AFF3: variants seen among roughly 807,000 people sequenced by gnomAD.
AFF3 encodes the protein ALF transcription elongation factor 3.
In AFF3, 32 loss-of-function variants were observed where a neutral mutation model predicts 129.7. That is an observed-to-expected ratio of 0.25 (90% CI 0.19 to 0.33). The LOEUF is 0.33. Among genes scored for constraint, AFF3 ranks in the 10% least tolerant of loss-of-function variants. The pLI is 1.00. For synonymous variants in AFF3, 644 were observed against 635.4 expected (o/e 1.01, Z -0.20); for missense variants, 1,373 against 1,592.0 (o/e 0.86, Z 2.34).
At chr2:99,839,906 G>T in intron 7 of AFF3, among the ~76,000 whole-genome samples, 1 of 152,210 alleles carries the variant, frequency 6.6e-6, no homozygotes, top group South Asian at 2.1e-4. Flanking sequence ...CACCAGATCT[G>T]CATTTTCTTA....
intron 7 of AFF3, among the ~76,000 whole-genome samples, chr2:99,872,713 A>G (rs1234984631): frequency 6.6e-6 from 1 of 152,150 alleles, no homozygotes; most frequent in Admixed American, 6.5e-5. Flanking sequence ...AACATCATGC[A>G]TCGGTCATTT....
chr2:99,991,294 G>A (rs1466888557), intron 7 of AFF3, among the ~76,000 whole-genome samples: 4 of 152,198 alleles, frequency 2.6e-5, no homozygotes, highest in Non-Finnish European at 5.9e-5. Flanking sequence ...TCAAGATTCT[G>A]ACAACTGTTG....
intron 4 of AFF3, among the ~76,000 whole-genome samples, chr2:100,058,608 T>C (rs1298285415): frequency 6.6e-6 from 1 of 152,120 alleles, no homozygotes; most frequent in Non-Finnish European, 1.5e-5. Flanking sequence ...ACACACTGTA[T>C]AGCCTCTACC....
At chr2:100,019,828 G>C (rs918132232) in intron 4 of AFF3, among the ~76,000 whole-genome samples, 4 of 151,830 alleles carry the variant, frequency 2.6e-5, no homozygotes, top group African/African-American at 7.3e-5. Flanking sequence ...CTCCTCTCTG[G>C]GGGGAGCCCT....
intron 8 of AFF3, among the ~76,000 whole-genome samples, chr2:99,824,939 G>A (rs1043555698): frequency 6.6e-6 from 1 of 152,194 alleles, no homozygotes; most frequent in Non-Finnish European, 1.5e-5. Flanking sequence ...GTGGGTTAGC[G>A]ATTGTGAAAT....
intron 11 of AFF3, among the ~76,000 whole-genome samples, chr2:99,716,679 G>A (rs532022498): frequency 3.3e-5 from 5 of 151,896 alleles, no homozygotes; most frequent in South Asian, 4.2e-4. Context: ...TCAGGAGTTC[G>A]AGACCAGCCT....
rs148575259 is a variant in AFF3 at position 99,927,706 on chromosome 2, T to G, written c.873+78926A>C. Among the ~76,000 whole-genome samples the G allele has an allele frequency of 6.9e-4, 105 of 152,286 alleles. 1 individual carries two copies. In the East Asian group the frequency reaches 0.018, roughly 26 times the overall value. ...TGTAATTTTACCTATGTAACAAACT[T>G]GCCCATGTACCCCTGAACTTAAAAT... On this transcript the variant is annotated intron_variant, in intron 7 of 24. Transcript: ENST00000672756.
chr2:100,003,864 A>G (rs1016185435), intron 7 of AFF3, among the ~76,000 whole-genome samples: 2 of 152,210 alleles, frequency 1.3e-5, no homozygotes, highest in African/African-American at 4.8e-5. Flanking sequence ...TAAAAGGCCA[A>G]TTTTAAACTT....
intron 7 of AFF3, among the ~76,000 whole-genome samples, chr2:99,978,547 C>A (rs1048411202): frequency 6.6e-6 from 1 of 152,144 alleles, no homozygotes; most frequent in African/African-American, 2.4e-5. Flanking sequence ...TCATTCTCCC[C>A]CCAGACAAAC....
chr2:100,052,604 C>T (rs377016455), intron 4 of AFF3, among the ~76,000 whole-genome samples: 18 of 152,300 alleles, frequency 1.2e-4, no homozygotes, highest in African/African-American at 4.1e-4. Context: ...CTCCAGTCCT[C>T]CCTTACCCAG....
chr2:99,572,728 A>G (rs1356329214), intron 18 of AFF3: 4 of 435,466 alleles, frequency 9.2e-6, no homozygotes, highest in Non-Finnish European at 1.8e-5. Flanking sequence ...CTTTGAGGAG[A>G]ATGCATAAGA....
intron 14 of AFF3, among the ~76,000 whole-genome samples, chr2:99,598,508 C>G (rs1679510162): frequency 6.6e-6 from 1 of 152,202 alleles, no homozygotes; most frequent in Non-Finnish European, 1.5e-5. Flanking sequence ...AACAAATTGG[C>G]TCTCAACACA....
chr2:99,815,892 G>A (rs1346971272), intron 8 of AFF3, among the ~76,000 whole-genome samples: 1 of 151,834 alleles, frequency 6.6e-6, no homozygotes, highest in African/African-American at 2.4e-5. Context: ...TTGAGCTTCT[G>A]GGGTATGTGG....
At chr2:99,691,811 G>C (rs1675694727) in intron 11 of AFF3, among the ~76,000 whole-genome samples, 1 of 152,160 alleles carries the variant, frequency 6.6e-6, no homozygotes, top group Non-Finnish European at 1.5e-5. Context: ...CATGATCATA[G>C]GATTAGGTCA....
Position 100,006,716 on chromosome 2 carries a change from T to C in AFF3, c.789A>G (p.Ser263=). ...GCTTGCTGGCAGGGACTCCCCTGTA[T>C]GATGTGCAGTGCACGCTGGTTTCCG... ...SSSETSVHCT[S]YRGVPASKPE... Residue 263 remains serine (S), a synonymous_variant, in exon 7 of 25, where the codon TCA becomes TCG. Coordinates refer to ENST00000672756, the MANE Select transcript of AFF3 (RefSeq NM_001386135.1). The C allele has an allele frequency of 2.5e-6, 4 of 1,614,224 alleles. No homozygotes were observed. The highest frequency in any genetic ancestry group is 1.1e-5 in the South Asian group (1 of 91,086).
At chr2:100,120,379 GA>G (rs986019193) in intron 2 of AFF3, among the ~76,000 whole-genome samples, 1 of 151,822 alleles carries the variant, frequency 6.6e-6, no homozygotes, top group Non-Finnish European at 1.5e-5. Flanking sequence ...ATTAAAATAA[GA>G]AAAAAAATTG....
intron 7 of AFF3, among the ~76,000 whole-genome samples, chr2:99,915,721 TA>T (rs926856407): frequency 5.9e-5 from 9 of 152,264 alleles, no homozygotes; most frequent in African/African-American, 2.2e-4. Flanking sequence ...ACTTCTTTCA[TA>T]AAAAAATAAC....
At chr2:99,560,305 G>A in intron 21 of AFF3, 60 bp downstream of exon 21, 2 of 1,558,678 alleles carry the variant, frequency 1.3e-6, no homozygotes, top group South Asian at 2.2e-5. Flanking sequence ...TCAGCACCTG[G>A]TTTGCCAATG....
At chr2:99,646,564 C>T (rs1684713850) in intron 13 of AFF3, among the ~76,000 whole-genome samples, 1 of 152,164 alleles carries the variant, frequency 6.6e-6, no homozygotes, top group East Asian at 1.9e-4. Context: ...AGGTTAATAC[C>T]AGGCTCCAAG....
Sources: allele counts gnomAD v4.1 joint callset (sites outside exome capture counted in the v4.1 genomes callset), GRCh38; gene constraint gnomAD v4.1.1; transcripts MANE v1.5; gene names NCBI Gene and HGNC (gene_info 2026-07-23, HGNC 2026-07-21).